GRID2: variants seen among roughly 807,000 people sequenced by gnomAD.
The protein encoded by GRID2 is glutamate ionotropic receptor delta type subunit 2.
Under a neutral mutation model 114.8 loss-of-function variants are expected in GRID2, and 33 were observed. The ratio of observed to expected loss-of-function variants is 0.29; its 90% CI spans 0.22 to 0.38. The LOEUF is 0.38. Among genes scored for constraint, GRID2 ranks in the 10% least tolerant of loss-of-function variants. The pLI, the probability that GRID2 is intolerant of heterozygous loss-of-function variation, is 1.00. For missense variants in GRID2, 1,184 were observed against 1,257.7 expected (o/e 0.94, Z 0.89); for synonymous variants, 505 against 449.9 (o/e 1.12, Z -1.55).
chr4:92,957,303 G>T (rs1353045327), intron 2 of GRID2, among the ~76,000 whole-genome samples: 1 of 151,940 alleles, frequency 6.6e-6, no homozygotes, highest in Non-Finnish European at 1.5e-5. Flanking sequence ...ATTTAGGCCT[G>T]TGATTCACTT....
At chr4:92,454,466 C>T (rs1490236680) in intron 1 of GRID2, among the ~76,000 whole-genome samples, 9 of 152,084 alleles carry the variant, frequency 5.9e-5, no homozygotes, top group Admixed American at 5.9e-4. Flanking sequence ...AAAATTAATA[C>T]ATTTATTAAC....
At position 92,356,052 on chromosome 4, in the gene GRID2, A is replaced by G. The variant is rs569953235; in HGVS notation, c.88+51308A>G. 3.3e-5 allele frequency among the ~76,000 whole-genome samples: 5 copies of G among 151,870 alleles called. No individual in the cohort carries two copies. In the East Asian group the frequency reaches 9.7e-4, roughly 29 times the overall value. ...TCATTCATAATATTTTGAAATCTAG[A>G]TCTTATATTTATACTTGGTCATAAC... On this transcript the variant is annotated intron_variant, in intron 1 of 15. Coordinates refer to ENST00000282020, the MANE Select transcript of GRID2 (RefSeq NM_001510.4).
chr4:93,073,416 T>G (rs1179952582), intron 2 of GRID2, among the ~76,000 whole-genome samples: 2 of 152,186 alleles, frequency 1.3e-5, no homozygotes, highest in Non-Finnish European at 2.9e-5. Flanking sequence ...TTTACTGTAT[T>G]ATAAGATACA....
intron 2 of GRID2, among the ~76,000 whole-genome samples, chr4:92,827,450 T>C (rs1741799122): frequency 6.6e-6 from 1 of 151,178 alleles, no homozygotes; most frequent in South Asian, 2.1e-4. Flanking sequence ...ACTATGTCCC[T>C]TCTGTCTTTA....
At chr4:93,611,595 G>T (rs1436305051) in intron 13 of GRID2, among the ~76,000 whole-genome samples, 10,139 of 86,048 alleles carry the variant, frequency 0.12, 1 homozygote, top group South Asian at 0.15. Context: ...TCAGGAGCAG[G>T]TTGTTCAGTT....
intron 13 of GRID2, among the ~76,000 whole-genome samples, chr4:93,592,886 CT>C (rs1384463162): frequency 6.6e-6 from 1 of 151,758 alleles, no homozygotes; most frequent in Non-Finnish European, 1.5e-5. Context: ...CAACCCCTGC[CT>C]TTTTTTGTTT....
intron 1 of GRID2, among the ~76,000 whole-genome samples, chr4:92,456,341 A>G (rs538769067): frequency 2.0e-5 from 3 of 152,250 alleles, no homozygotes; most frequent in South Asian, 2.1e-4. Flanking sequence ...ATGCACTCCC[A>G]TGAGAAATTT....
At position 93,395,682 on chromosome 4, in the gene GRID2, G is replaced by A. The variant is rs925702523; in HGVS notation, c.1321G>A (p.Val441Met). Residue 441 changes from valine (V) to methionine (M), a missense_variant, in exon 9 of 16, where the codon GTG becomes ATG. Physicochemically the swap from Val to Met is conservative, Grantham distance 21 (BLOSUM62 1). Transcript: ENST00000282020. ...DKKLENNMRG[V>M]VLRVVTVLEE... Reference sequence around the variant, plus strand: ...GAAATTGGAGAATAACATGCGTGGAGTGGTTCTACGTGTAGTAACTGTTCT... The same window carrying A: ...GAAATTGGAGAATAACATGCGTGGAATGGTTCTACGTGTAGTAACTGTTCT... The A allele has an allele frequency of 6.5e-7, 1 of 1,542,532 alleles. No individual in the cohort carries two copies. The highest frequency in any genetic ancestry group is 9.0e-7 in the Non-Finnish European group (1 of 1,115,404).
intron 4 of GRID2, among the ~76,000 whole-genome samples, chr4:93,185,856 C>T (rs1740356499): frequency 1.3e-5 from 2 of 152,120 alleles, no homozygotes; most frequent in Admixed American, 1.3e-4. Context: ...ATTAACTTGT[C>T]ATTTACATTA....
intron 8 of GRID2, among the ~76,000 whole-genome samples, chr4:93,376,847 T>C (rs1255129235): frequency 1.3e-5 from 2 of 151,946 alleles, no homozygotes; most frequent in Non-Finnish European, 2.9e-5. Flanking sequence ...GGGAGAGCAT[T>C]AGGAAAAATA....
intron 4 of GRID2, among the ~76,000 whole-genome samples, chr4:93,205,929 C>T (rs897955999): frequency 5.9e-5 from 9 of 152,104 alleles, no homozygotes; most frequent in Admixed American, 2.0e-4. Context: ...CATTTGTTCA[C>T]GTGTTTTTTG....
At chr4:92,766,450 T>A (rs369288808) in intron 2 of GRID2, among the ~76,000 whole-genome samples, 1 of 143,670 alleles carries the variant, frequency 7.0e-6, no homozygotes, top group African/African-American at 2.6e-5. Flanking sequence ...GGCAGGAGAA[T>A]GGCGTGAACC....
At chr4:93,486,989 C>T (rs184091717) in intron 11 of GRID2, among the ~76,000 whole-genome samples, 1 of 151,794 alleles carries the variant, frequency 6.6e-6, no homozygotes, top group African/African-American at 2.4e-5. Flanking sequence ...GTTTTAATTC[C>T]GGATTTGAAA....
chr4:92,599,570 G>T (rs927802235), intron 2 of GRID2, among the ~76,000 whole-genome samples: 1 of 152,140 alleles, frequency 6.6e-6, no homozygotes, highest in African/African-American at 2.4e-5. Flanking sequence ...AAAAACACAT[G>T]ATATCATGTT....
chr4:93,685,684 A>G (rs979329514), intron 14 of GRID2, among the ~76,000 whole-genome samples: 14 of 152,002 alleles, frequency 9.2e-5, no homozygotes, highest in Non-Finnish European at 2.1e-4. Context: ...TATCACCTAT[A>G]TATTAGGCAC....
At chr4:93,069,558 A>G (rs1728628612) in intron 2 of GRID2, among the ~76,000 whole-genome samples, 1 of 152,074 alleles carries the variant, frequency 6.6e-6, no homozygotes, top group South Asian at 2.1e-4. Flanking sequence ...AATCCTGAGT[A>G]TGTAAAGCCG....
At chr4:93,410,886 C>T (rs1767062931) in intron 9 of GRID2, among the ~76,000 whole-genome samples, 1 of 152,116 alleles carries the variant, frequency 6.6e-6, no homozygotes, top group Non-Finnish European at 1.5e-5. Flanking sequence ...CCCGGCCTCT[C>T]TATTCCTTTT....
intron 2 of GRID2, among the ~76,000 whole-genome samples, chr4:93,051,003 G>A (rs1235708779): frequency 6.6e-6 from 1 of 151,890 alleles, no homozygotes; most frequent in Admixed American, 6.6e-5. Flanking sequence ...TACCACTGAG[G>A]GATTTTCAGC....
At chr4:92,666,652 T>G (rs1732796560) in intron 2 of GRID2, among the ~76,000 whole-genome samples, 1 of 71,036 alleles carries the variant, frequency 1.4e-5, no homozygotes, top group Non-Finnish European at 3.0e-5. Flanking sequence ...TAAGGGTTGT[T>G]TTTTTTTTTT....
Sources: allele counts gnomAD v4.1 joint callset (sites outside exome capture counted in the v4.1 genomes callset), GRCh38; gene constraint gnomAD v4.1.1; transcripts MANE v1.5; gene names NCBI Gene and HGNC (gene_info 2026-07-23, HGNC 2026-07-21).